The following TTN variants were observed in gnomAD, a reference collection of about 807,000 sequenced individuals.
The protein encoded by TTN is titin.
In TTN, 1,525 loss-of-function variants were observed where a neutral mutation model predicts 3,223.0. The observed-to-expected ratio is 0.47, with a 90% confidence interval of 0.45 to 0.49. TTN has a LOEUF of 0.49. TTN is among the 20% of genes least tolerant of loss of function. TTN has a pLI of 0.00. For missense variants in TTN, 40,786 were observed against 43,424.0 expected (o/e 0.94, Z 5.40); for synonymous variants, 14,094 against 15,161.0 (o/e 0.93, Z 5.17).
Position 178,547,243 on chromosome 2 carries a change from G to C in TTN, c.94282C>G (p.Arg31428Gly), listed in dbSNP as rs190282707. ...YHVSANAMSIRWEEPYHDGGS... is the reference protein window; with the variant it reads ...YHVSANAMSIGWEEPYHDGGS... ...CCATCGTGGTAGGGTTCTTCCCAAC[G>C]AATAGACATGGCATTGGCAGACACA... Residue 31428 changes from arginine (R) to glycine (G), a missense_variant, in exon 340 of 363, where the codon CGT becomes GGT. Coordinates refer to ENST00000589042, the MANE Select transcript of TTN (RefSeq NM_001267550.2). The C allele has an allele frequency of 4.5e-5, 73 of 1,613,764 alleles. No homozygotes were observed. In the African/African-American group the frequency reaches 9.1e-4, roughly 20 times the overall value.
At position 178,573,675 on chromosome 2, in the gene TTN, C is replaced by G; in HGVS notation, c.72457G>C (p.Ala24153Pro). 1 of 1,515,942 alleles carries G rather than the reference C, an allele frequency of 6.6e-7. No homozygotes were observed. Among genetic ancestry groups the G allele is most frequent in the Non-Finnish European group, 8.8e-7 (1 of 1,133,882 alleles). The allele number at this position is 1,515,942 out of a possible 1,614,324, so 93.9% of individuals were successfully genotyped here. A position where few individuals can be genotyped will look rare whatever the true frequency, so the allele number is the denominator to read the frequency against. The change falls in exon 326 of 363, where the codon GCC becomes CCC. Residue 24153 changes from alanine (A) to proline (P), a missense_variant. Ala to Pro is a conservative substitution (Grantham distance 27). Transcript: ENST00000589042. ...TGTACTATGTAATGATCAATTTTGGCACCTCCATCATCCAGTGGAGGGAAC... is the reference window on the plus strand; with the variant it reads ...TGTACTATGTAATGATCAATTTTGGGACCTCCATCATCCAGTGGAGGGAAC... ...SWFPPLDDGG[A>P]KIDHYIVQKR... is the part of the protein sequence containing the mutation.
chr2:178,568,054 G>C lies in TTN; in HGVS notation c.78078C>G (p.His26026Gln). ...TACTGTTTCTTTCTTTTCTCTCCAG[G>C]TGGTAACCTATGACGGGGCTTCCAC... ...NNGGSPVIGY[H>Q]LERKERNSIL... Residue 26026 changes from histidine (H) to glutamine (Q), a missense_variant, in exon 326 of 363, where the codon CAC becomes CAG. His to Gln is a conservative substitution (Grantham distance 24). Transcript: ENST00000589042. The C allele has an allele frequency of 6.2e-7, 1 of 1,613,330 alleles. No individual in the cohort carries two copies. Among genetic ancestry groups the C allele is most frequent in the Non-Finnish European group, 8.5e-7 (1 of 1,179,594 alleles).
intron 69 of TTN, chr2:178,726,795 A>C (rs2079421201): frequency 7.7e-6 from 2 of 259,260 alleles, no homozygotes; most frequent in Non-Finnish European, 1.4e-5. Flanking sequence ...ACTAATTTTA[A>C]AATGCCTACT....
Position 178,601,548 on chromosome 2 carries a change from G to A in TTN, c.55449C>T (p.Pro18483=), listed in dbSNP as rs187366691. The A allele has an allele frequency of 1.8e-4, 295 of 1,611,550 alleles. 1 individual carries two copies. In the Admixed American group the frequency reaches 4.6e-3, roughly 25 times the overall value. The change falls in exon 287 of 363, where the codon CCC becomes CCT. Residue 18483 remains proline, a synonymous_variant. Transcript: ENST00000589042. The part of the protein sequence containing the change: ...RVKVMDVPGP[P]KDLKVSDITR... ...TGATATCACTGACTTTCAGATCTTT[G>A]GGTGGGCCTGGTACATCTGTTGGAT... is the stretch of plus-strand genomic sequence containing the variant.
At chr2:178,614,372 G>A (rs79190382) in intron 261 of TTN, 24 bp from the exon 262 acceptor site, 1 of 1,571,014 alleles carries the variant, frequency 6.4e-7, no homozygotes, top group Admixed American at 2.1e-5. Context: ...TACAGATGCA[G>A]AAAAAAAAAT....
In TTN at chr2:178,528,792, A is replaced by C; in HGVS notation, c.106959T>G (p.Tyr35653Ter). The C allele has an allele frequency of 1.9e-6, 3 of 1,612,962 alleles. No individual in the cohort carries two copies. Among genetic ancestry groups the C allele is most frequent in the Non-Finnish European group, 2.5e-6 (3 of 1,179,070 alleles). Residue 35653 changes from tyrosine to a stop codon, truncating the protein, a stop_gained, in exon 360 of 363, where the codon TAT (tyrosine) becomes TAG (stop). Transcript: ENST00000589042. LOFTEE classifies it high-confidence loss of function. ...GGGTCTGATCGCTGCCTGAGACACCATATCGGTACTCCTCAGAGTTGGTAA... is the reference window on the plus strand; with the variant it reads ...GGGTCTGATCGCTGCCTGAGACACCCTATCGGTACTCCTCAGAGTTGGTAA... ...VELTNSEEYR[Y>*]GVSGSDQTLT...
Position 178,709,611 on chromosome 2 carries a change from T to C in TTN, c.28708A>G (p.Asn9570Asp), listed in dbSNP as rs748118078. The C allele has an allele frequency of 6.2e-7, 1 of 1,613,858 alleles. No homozygotes were observed. ...GTGCACAGAGCAGAGCCTGCATCATTGGACACTTTGCATGTGTACAAACCA... is the reference window on the plus strand; with the variant it reads ...GTGCACAGAGCAGAGCCTGCATCATCGGACACTTTGCATGTGTACAAACCA... Reference protein sequence around the residue: ...DAGLYTCKVSNDAGSALCTSS... With the variant: ...DAGLYTCKVSDDAGSALCTSS... Residue 9570 changes from asparagine (N) to aspartate (D), a missense_variant, in exon 99 of 363, where the codon AAT becomes GAT. By Grantham distance (23) the Asn-to-Asp change is conservative. Transcript: ENST00000589042.
rs779076165 is a variant in TTN, at chr2:178,570,056, A to G, written c.76076T>C (p.Ile25359Thr). 3.7e-6 allele frequency: 6 copies of G among 1,613,422 alleles called. No individual in the cohort carries two copies. The South Asian group carries it at 5.5e-5, about 15-fold the overall frequency. The part of the protein sequence containing the change: ...IRWTRCHKRL[I>T]GELRLRVTGL... ...AGTTACTCTCAGGCGCAACTCTCCA[A>G]TCAGACGCTTATGGCATCTTGTCCA... Residue 25359 changes from isoleucine (I) to threonine (T), a missense_variant, in exon 326 of 363, where the codon ATT becomes ACT. Transcript: ENST00000589042.
chr2:178,594,709 G>T, intron 295 of TTN, 63 bp from the exon 296 acceptor site: 1 of 1,328,450 alleles, frequency 7.5e-7, no homozygotes, highest in Non-Finnish European at 1.0e-6. Flanking sequence ...GTAGTAGGAT[G>T]TAGTGAATAT....
intron 47 of TTN, chr2:178,751,470 T>C (rs971883012): frequency 6.2e-7 from 1 of 1,613,176 alleles, no homozygotes; most frequent in African/African-American, 1.3e-5. Context: ...TCTTGTTTTT[T>C]GTTAAAGGGA....
intron 344 of TTN, among the ~76,000 whole-genome samples, 155 bp downstream of exon 344, chr2:178,545,233 C>G (rs1417809480): frequency 1.3e-5 from 2 of 152,126 alleles, no homozygotes; most frequent in Non-Finnish European, 2.9e-5. Flanking sequence ...TTAAAATGTT[C>G]TCTGACTTAA....
At chr2:178,795,873 T>C (rs2093743155) in intron 6 of TTN, among the ~76,000 whole-genome samples, 2 of 152,214 alleles carry the variant, frequency 1.3e-5, no homozygotes, top group South Asian at 4.1e-4. Context: ...AATTGCTGCT[T>C]TAGCCGAAGT....
intron 221 of TTN, 139 bp downstream of exon 221, chr2:178,640,402 G>T: frequency 1.2e-6 from 1 of 806,426 alleles, no homozygotes. Context: ...ATAGGAGAGT[G>T]AGATGGTAAA....
Position 178,731,538 on chromosome 2 carries a change from C to A in TTN, c.17228G>T (p.Arg5743Leu), listed in dbSNP as rs753892271. The stretch of plus-strand genomic sequence containing the variant: ...GGCCTGGAAGGCAGCTGTGCCTCCC[C>A]GGAGGGAGCTGGTACTCTCGATCTT... ...IKKIESTSSLRGGTAAFQATL... is the reference protein window; with the variant it reads ...IKKIESTSSLLGGTAAFQATL... The change falls in exon 59 of 363, where the codon CGG becomes CTG. Residue 5743 changes from arginine (R) to leucine (L), a missense_variant. Arg to Leu is a moderately radical substitution (Grantham distance 102). Transcript: ENST00000589042. 6.2e-7 allele frequency: 1 copy of A among 1,612,604 alleles called. No homozygotes were observed. The highest frequency in any genetic ancestry group is 1.1e-5 in the South Asian group (1 of 90,976).
chr2:178,634,108 C>T lies in TTN; in HGVS notation c.42416-25G>A. On this transcript the variant is annotated intron_variant, in intron 230 of 362. Transcript: ENST00000589042. The surrounding 1 kb of genome is among the most constrained non-coding windows in gnomAD (Gnocchi z 4.6). The stretch of plus-strand genomic sequence containing the variant: ...CCTGAAATGCAAGCATAGATAATGC[C>T]TCAGAAACACAATTCACCTTCAGAA... 1.9e-6 allele frequency: 3 copies of T among 1,609,020 alleles called. No homozygotes were observed. Among genetic ancestry groups the T allele is most frequent in the Non-Finnish European group, 2.5e-6 (3 of 1,178,736 alleles).
intron 265 of TTN, 97 bp downstream of exon 265, chr2:178,612,676 G>A (rs1303909713): frequency 3.3e-6 from 5 of 1,531,500 alleles, no homozygotes; most frequent in Non-Finnish European, 4.4e-6. Context: ...TAGCCAGGAG[G>A]AAATAATAGT....
intron 218 of TTN, among the ~76,000 whole-genome samples, chr2:178,643,714 A>C (rs1008871110): frequency 3.3e-5 from 5 of 151,682 alleles, no homozygotes; most frequent in African/African-American, 1.2e-4. Flanking sequence ...TTTATGATCA[A>C]TATCCATGAT....
intron 47 of TTN, chr2:178,747,487 A>C (rs780644230): frequency 6.2e-7 from 1 of 1,613,432 alleles, no homozygotes; most frequent in Non-Finnish European, 8.5e-7. Context: ...TTCCCACACC[A>C]ATGGAAATGT....
rs757510216 is a variant in TTN at position 178,750,219 on chromosome 2, A to T, written c.11311+2905T>A. 3.0e-5 allele frequency: 48 copies of T among 1,613,094 alleles called. 1 individual carries two copies. The South Asian group carries it at 5.2e-4, about 17-fold the overall frequency. ...GCGCCTTTTGCTTGGTCAAACACCA[A>T]TGCTAACTCTTCTTCCTCATCCAAG... On this transcript the variant is annotated intron_variant, in intron 47 of 362. Coordinates refer to ENST00000589042, the MANE Select transcript of TTN (RefSeq NM_001267550.2).
Sources: allele counts gnomAD v4.1 joint callset (sites outside exome capture counted in the v4.1 genomes callset), GRCh38; gene constraint gnomAD v4.1.1; non-coding constraint Gnocchi (gnomAD v3.1); transcripts MANE v1.5; gene names NCBI Gene and HGNC (gene_info 2026-07-23, HGNC 2026-07-21).